Variants in FHIT observed in about 807,000 individuals in gnomAD.
FHIT encodes bis(5'-adenosyl)-triphosphatase.
In FHIT, 19 loss-of-function variants were observed where a neutral mutation model predicts 17.9. The observed-to-expected ratio is 1.06, with a 90% CI of 0.74 to 1.56. FHIT has a LOEUF of 1.56. FHIT is among the 40% of genes most tolerant of loss of function. FHIT has a pLI of 0.00. For missense variants in FHIT, 248 were observed against 189.2 expected, an observed-to-expected ratio of 1.31 and a Z score of -1.82; for synonymous variants, 81 against 69.7, an observed-to-expected ratio of 1.16 and a Z score of -0.81.
chr3:60,126,608 C>T (rs1559656377), intron 5 of FHIT, among the ~76,000 whole-genome samples: 2 of 152,254 alleles, frequency 1.3e-5, no homozygotes, highest in South Asian at 4.2e-4. Context: ...AATATAAAAC[C>T]CACATGAGTA....
intron 8 of FHIT, among the ~76,000 whole-genome samples, chr3:59,868,577 C>T (rs1168729965): frequency 6.6e-6 from 1 of 152,216 alleles, no homozygotes. Context: ...ATTTCTCTGA[C>T]AGCAATACAG....
At chr3:60,627,955 T>C (rs1261344264) in intron 4 of FHIT, among the ~76,000 whole-genome samples, 1 of 152,224 alleles carries the variant, frequency 6.6e-6, no homozygotes, top group Non-Finnish European at 1.5e-5. Flanking sequence ...ATTTTTCTAT[T>C]CTCTATTTCA....
intron 5 of FHIT, among the ~76,000 whole-genome samples, chr3:60,036,010 A>C (rs1701202264): frequency 6.6e-6 from 1 of 152,178 alleles, no homozygotes; most frequent in Non-Finnish European, 1.5e-5. Flanking sequence ...AGAGAGCAAA[A>C]ACCAGCTCAA....
At chr3:60,960,847 G>C (rs28790402) in intron 3 of FHIT, among the ~76,000 whole-genome samples, 1,759 of 152,300 alleles carry the variant, frequency 0.012, 27 homozygotes, top group African/African-American at 0.039. Flanking sequence ...GGACATTTGG[G>C]TTGGTTCCAA....
At chr3:61,063,304 T>A (rs188501091) in intron 2 of FHIT, among the ~76,000 whole-genome samples, 42 of 146,812 alleles carry the variant, frequency 2.9e-4, no homozygotes, top group Admixed American at 2.3e-3. Flanking sequence ...AGTTCTCAAA[T>A]CAACCACATC....
chr3:60,375,110 A>AAAAAAACAAAAAC (rs1391434930), intron 5 of FHIT, among the ~76,000 whole-genome samples: 6 of 151,940 alleles, frequency 3.9e-5, no homozygotes, highest in Admixed American at 3.9e-4. Context: ...TTTTGAAAAA[A>AAAAAAACAAAAAC]AAAAAACAAA....
At chr3:60,269,878 A>T (rs1051090561) in intron 5 of FHIT, among the ~76,000 whole-genome samples, 2 of 152,208 alleles carry the variant, frequency 1.3e-5, no homozygotes, top group Non-Finnish European at 2.9e-5. Context: ...AAAAATGGGG[A>T]GTTACACCCC....
intron 4 of FHIT, among the ~76,000 whole-genome samples, chr3:60,563,537 C>T (rs530152263): frequency 6.6e-6 from 1 of 152,254 alleles, no homozygotes; most frequent in South Asian, 2.1e-4. Flanking sequence ...CCTCTTGGGC[C>T]AAACAGCCAC....
chr3:59,893,243 C>A (rs1703930333), intron 8 of FHIT, among the ~76,000 whole-genome samples: 3 of 152,148 alleles, frequency 2.0e-5, no homozygotes, highest in Non-Finnish European at 4.4e-5. Flanking sequence ...GAGAACCAAT[C>A]CCAGCTTCAA....
intron 8 of FHIT, among the ~76,000 whole-genome samples, chr3:59,801,158 T>C (rs1209634401): frequency 3.3e-5 from 5 of 152,232 alleles, no homozygotes; most frequent in African/African-American, 1.2e-4. Context: ...ATGCCAGGCC[T>C]GTGCTACCTC....
intron 2 of FHIT, among the ~76,000 whole-genome samples, chr3:61,172,043 C>A (rs1026515360): frequency 6.6e-6 from 1 of 152,012 alleles, no homozygotes; most frequent in African/African-American, 2.4e-5. Context: ...AGGGGTGGAC[C>A]TAAAGTTTCA....
chr3:61,211,795 C>T (rs1451495108), intron 1 of FHIT, among the ~76,000 whole-genome samples: 3 of 152,190 alleles, frequency 2.0e-5, no homozygotes, highest in East Asian at 1.9e-4. Flanking sequence ...GCCGGGTACT[C>T]CTCTGAGACA....
intron 4 of FHIT, among the ~76,000 whole-genome samples, chr3:60,579,929 A>C (rs1388338076): frequency 1.3e-5 from 2 of 152,102 alleles, no homozygotes; most frequent in Admixed American, 1.3e-4. Flanking sequence ...TTCCCACCAC[A>C]CTAAATGGAG....
intron 5 of FHIT, among the ~76,000 whole-genome samples, chr3:60,124,007 T>TAGAGAG (rs1559653690): frequency 1.7e-3 from 30 of 17,776 alleles, no homozygotes; most frequent in South Asian, 2.8e-3. Context: ...TATATATATA[T>TAGAGAG]ATAGAGAGAG....
chr3:61,061,391 T>G (rs1448448951), intron 2 of FHIT, among the ~76,000 whole-genome samples: 1 of 152,114 alleles, frequency 6.6e-6, no homozygotes, highest in Non-Finnish European at 1.5e-5. Flanking sequence ...AAGTTTCACT[T>G]TTTAAATATA....
At chr3:60,709,175 T>C (rs1216144087) in intron 4 of FHIT, among the ~76,000 whole-genome samples, 1 of 152,168 alleles carries the variant, frequency 6.6e-6, no homozygotes, top group African/African-American at 2.4e-5. Flanking sequence ...TTCAAAACAC[T>C]ATGAATTTAT....
chr3:61,110,177 C>T (rs1412667080), intron 2 of FHIT, among the ~76,000 whole-genome samples: 1 of 152,158 alleles, frequency 6.6e-6, no homozygotes, highest in Non-Finnish European at 1.5e-5. Flanking sequence ...CTCTTGTTCC[C>T]AACTGTCTCT....
chr3:60,305,683 C>T (rs570470412), intron 5 of FHIT, among the ~76,000 whole-genome samples: 13 of 152,200 alleles, frequency 8.5e-5, no homozygotes, highest in South Asian at 6.2e-4. Flanking sequence ...TATTTACATA[C>T]ATTAGAGAAG....
chr3:60,648,112 G>A (rs1037924075), intron 4 of FHIT, among the ~76,000 whole-genome samples: 3 of 152,220 alleles, frequency 2.0e-5, no homozygotes, highest in Admixed American at 6.5e-5. Flanking sequence ...GGATAGATGG[G>A]ACGACAATGG....
Sources: gnomAD v4.1 joint callset for allele counts (sites outside exome capture counted in the v4.1 genomes callset) on GRCh38, gnomAD v4.1.1 for gene constraint, MANE v1.5 for transcripts, NCBI Gene and HGNC (gene_info 2026-07-23, HGNC 2026-07-21) for gene names.